Variants in FANCA observed in about 807,000 individuals in gnomAD.
FANCA encodes the protein FA complementation group A.
In FANCA, 236 loss-of-function variants were observed where a neutral mutation model predicts 194.3. The observed-to-expected ratio is 1.21, with a 90% CI of 1.09 to 1.35. The LOEUF (loss-of-function observed/expected upper bound fraction) is 1.35, where lower values mean the gene tolerates loss of function less well. FANCA is among the 40% of genes most tolerant of loss of function. FANCA has a pLI of 0.00. For missense variants in FANCA, 2,628 were observed against 1,813.9 expected, an observed-to-expected ratio of 1.45 and a Z score of -8.15; for synonymous variants, 1,014 against 715.8, an observed-to-expected ratio of 1.42 and a Z score of -6.65.
intron 31 of FANCA, among the ~76,000 whole-genome samples, chr16:89,751,206 AAAG>A (rs1454266028): frequency 4.6e-5 from 7 of 152,088 alleles, no homozygotes; most frequent in East Asian, 3.9e-4. Flanking sequence ...TGTATTTTTT[AAAG>A]AAGAATAAAG....
At chr16:89,751,024 T>C (rs1162633658) in intron 31 of FANCA, among the ~76,000 whole-genome samples, 5 of 152,144 alleles carry the variant, frequency 3.3e-5, no homozygotes, top group Non-Finnish European at 5.9e-5. Context: ...CCTGAGTAGC[T>C]GGGACTATAG....
chr16:89,754,064 AAAC>A (rs1280022236), intron 30 of FANCA, among the ~76,000 whole-genome samples: 8 of 151,990 alleles, frequency 5.3e-5, no homozygotes, highest in Admixed American at 5.2e-4. Flanking sequence ...AAAAACAAAC[AAAC>A]AAAAATTAGC....
chr16:89,754,895 T>G (rs985731774), intron 30 of FANCA, among the ~76,000 whole-genome samples: 1 of 152,022 alleles, frequency 6.6e-6, no homozygotes, highest in Non-Finnish European at 1.5e-5. Context: ...GACAAGCTCA[T>G]CCCAAAATTA....
At chr16:89,739,063 C>T in intron 41 of FANCA, 70 bp downstream of exon 41, 1 of 1,613,946 alleles carries the variant, frequency 6.2e-7, no homozygotes, top group Non-Finnish European at 8.5e-7. Flanking sequence ...TGTGCCGGAA[C>T]ATTCTTTGGC....
At chr16:89,780,739 G>A (rs911180395) in intron 17 of FANCA, among the ~76,000 whole-genome samples, 2 of 151,824 alleles carry the variant, frequency 1.3e-5, no homozygotes, top group Non-Finnish European at 1.5e-5. Context: ...GACCAGTCTC[G>A]GCCACACAGG....
chr16:89,739,141 T>C lies in FANCA; in HGVS notation c.4159A>G (p.Lys1387Glu), dbSNP rs1436768029. 8.7e-6 allele frequency: 14 copies of C among 1,614,016 alleles called. No individual in the cohort carries two copies. The highest frequency in any genetic ancestry group is 1.2e-5 in the Non-Finnish European group (14 of 1,180,028). ...CTGGCCCTTGCACCTGCCTGACCCT[T>C]GAGCTCCAGGCTCCTGCCAGCTGGA... ...SPPAGRSLEL[K>E]GQGNPVELIT... is the part of the protein sequence containing the mutation. Residue 1387 changes from lysine (K) to glutamate (E), a missense_variant, in exon 41 of 43, where the codon AAG becomes GAG. By Grantham distance (56) the Lys-to-Glu change is moderately conservative. Transcript: ENST00000389301.
At chr16:89,780,088 T>C in intron 17 of FANCA, 131 bp from the exon 18 acceptor site, 1 of 819,952 alleles carries the variant, frequency 1.2e-6, no homozygotes, top group Non-Finnish European at 2.0e-6. Flanking sequence ...AAGGCCCACA[T>C]GCTGTGCGCA....
intron 29 of FANCA, among the ~76,000 whole-genome samples, chr16:89,760,326 T>C (rs1031063081): frequency 6.6e-6 from 1 of 152,226 alleles, no homozygotes; most frequent in Admixed American, 6.5e-5. Flanking sequence ...AGTTTTCTTT[T>C]TGTGGCCCCT....
chr16:89,769,192 T>C (rs1308333978), intron 26 of FANCA, among the ~76,000 whole-genome samples: 1 of 152,238 alleles, frequency 6.6e-6, no homozygotes, highest in Non-Finnish European at 1.5e-5. Context: ...TGTCCCGACC[T>C]GGGCTACCTC....
chr16:89,805,080 A>G (rs1262917532), intron 7 of FANCA, among the ~76,000 whole-genome samples, 200 bp downstream of exon 7: 1 of 152,118 alleles, frequency 6.6e-6, no homozygotes, highest in Non-Finnish European at 1.5e-5. Context: ...ACTCATGTCA[A>G]GGCCGACTTA....
In FANCA at chr16:89,738,682, G is replaced by T; in HGVS notation, c.4287C>A (p.Asp1429Glu). ...AELLADRGDC[D>E]PEVSAALQSR... Reference sequence around the variant, plus strand: ...TCTGGAGGGCGGCGCTCACCTCTGGGTCGCAGTCCCCACGATCAGCCAGCA... The same window carrying T: ...TCTGGAGGGCGGCGCTCACCTCTGGTTCGCAGTCCCCACGATCAGCCAGCA... Residue 1429 changes from aspartate (D) to glutamate (E), a missense_variant, in exon 43 of 43, where the codon GAC becomes GAA. Coordinates refer to ENST00000389301, the MANE Select transcript of FANCA (RefSeq NM_000135.4). 6.2e-7 allele frequency: 1 copy of T among 1,613,976 alleles called. No homozygotes were observed. The highest frequency in any genetic ancestry group is 8.5e-7 in the Non-Finnish European group (1 of 1,180,008).
chr16:89,737,654 GAGGCCCTCAT>G lies in FANCA; in HGVS notation c.*937_*946del. 1 of 1,428,212 alleles carries G rather than the reference GAGGCCCTCAT, an allele frequency of 7.0e-7. No individual in the cohort carries two copies. Among genetic ancestry groups the G allele is most frequent in the Non-Finnish European group, 9.3e-7 (1 of 1,074,466 alleles). 88.5% of individuals were successfully genotyped at this position (1,428,212 alleles called of 1,614,324 possible). A position where few individuals can be genotyped will look rare whatever the true frequency, so the allele number is the denominator to read the frequency against. ...AAGCAGTTTAAAGATCTTAATAAACGAGGCCCTCATAGGCCCCTTGCTTGGGCCCACTGCA... is the reference window on the plus strand; with the variant it reads ...AAGCAGTTTAAAGATCTTAATAAACGAGGCCCCTTGCTTGGGCCCACTGCA... On this transcript the variant is annotated 3_prime_UTR_variant, in exon 43 of 43. Coordinates refer to ENST00000389301, the MANE Select transcript of FANCA (RefSeq NM_000135.4).
chr16:89,813,326 T>A (rs1355343707), intron 3 of FANCA, among the ~76,000 whole-genome samples: 2 of 151,626 alleles, frequency 1.3e-5, no homozygotes, highest in African/African-American at 4.9e-5. Flanking sequence ...GAGGATCACT[T>A]GAGGCCAGGA....
At chr16:89,816,436 G>A (rs2041130548) in intron 1 of FANCA, 101 bp downstream of exon 1, 7 of 1,104,866 alleles carry the variant, frequency 6.3e-6, no homozygotes, top group Non-Finnish European at 7.1e-6. Context: ...GGCGTCCGGG[G>A]ATCCGACCGG....
At chr16:89,748,100 CAG>C (rs1339657442) in intron 33 of FANCA, among the ~76,000 whole-genome samples, 8 of 152,128 alleles carry the variant, frequency 5.3e-5, no homozygotes, top group Non-Finnish European at 1.5e-5. Flanking sequence ...TTTGTAGAAA[CAG>C]GGTTTTGTCA....
At chr16:89,776,279 T>C (rs747129156) in intron 20 of FANCA, among the ~76,000 whole-genome samples, 2 of 147,240 alleles carry the variant, frequency 1.4e-5, no homozygotes, top group Non-Finnish European at 3.0e-5. Context: ...GCAATTCTCC[T>C]GCCTCACCCT....
At chr16:89,808,508 C>G (rs1392874727) in intron 5 of FANCA, 141 bp from the exon 6 acceptor site, 4 of 840,204 alleles carry the variant, frequency 4.8e-6, no homozygotes, top group Non-Finnish European at 7.7e-6. Context: ...CAAGCAAAAA[C>G]TTAGAGCCTG....
At chr16:89,787,699 A>G (rs1315289504) in intron 14 of FANCA, among the ~76,000 whole-genome samples, 3 of 151,940 alleles carry the variant, frequency 2.0e-5, no homozygotes, top group African/African-American at 4.8e-5. Flanking sequence ...TCACACCACC[A>G]CATCCCAGCC....
intron 10 of FANCA, among the ~76,000 whole-genome samples, chr16:89,796,319 A>G (rs1049632877): frequency 6.6e-6 from 1 of 152,072 alleles, no homozygotes; most frequent in East Asian, 1.9e-4. Flanking sequence ...CAGGTTGGGA[A>G]GGGCAGGCCG....
Sources: gnomAD v4.1 joint callset for allele counts (sites outside exome capture counted in the v4.1 genomes callset) on GRCh38, gnomAD v4.1.1 for gene constraint, MANE v1.5 for transcripts, NCBI Gene and HGNC (gene_info 2026-07-23, HGNC 2026-07-21) for gene names.